The following POTEH variants were observed in gnomAD, a reference collection of about 807,000 sequenced individuals.
POTEH encodes POTE ankyrin domain family member H.
A neutral mutation model predicts 41.7 loss-of-function variants in POTEH; 6 were observed. The ratio of observed to expected loss-of-function variants is 0.14; its 90% CI spans 0.08 to 0.28. The LOEUF is 0.28. Among genes scored for constraint, POTEH ranks in the 10% least tolerant of loss-of-function variants. The pLI, the probability that POTEH is intolerant of heterozygous loss-of-function variation, is 1.00. For missense variants in POTEH, 115 were observed against 533.5 expected (o/e 0.22, Z 7.73); for synonymous variants, 38 against 179.9 (o/e 0.21, Z 6.31).
intron 9 of POTEH, among the ~76,000 whole-genome samples, chr22:15,711,318 G>C (rs576410903): frequency 1.3e-5 from 2 of 152,226 alleles, no homozygotes; most frequent in African/African-American, 4.8e-5. Flanking sequence ...ACTGTATCAT[G>C]GAGGTTTGGG....
At chr22:15,710,442 A>G (rs10154611) in intron 8 of POTEH, among the ~76,000 whole-genome samples, 140 of 150,076 alleles carry the variant, frequency 9.3e-4, no homozygotes, top group African/African-American at 3.3e-3. Context: ...TCATCCTCTA[A>G]AATGACTGTT....
chr22:15,690,449 C>T lies in POTEH; in HGVS notation c.372C>T (p.Asp124=), dbSNP rs566364504. The change falls in exon 1 of 11, where the codon GAC becomes GAT. Residue 124 remains aspartate, a synonymous_variant. Coordinates refer to ENST00000343518, the MANE Select transcript of POTEH (RefSeq NM_001136213.1). ...KSNVGTSGDH[D]DSAMKTLRSK... is the part of the protein sequence containing the mutation. Reference sequence around the variant, plus strand: ...ACGTGGGCACTTCTGGAGACCACGACGACTCTGCTATGAAGACACTCAGGA... The same window carrying T: ...ACGTGGGCACTTCTGGAGACCACGATGACTCTGCTATGAAGACACTCAGGA... 32 of 1,407,490 alleles carry T rather than the reference C, an allele frequency of 2.3e-5. No individual in the cohort carries two copies. The East Asian group carries it at 2.7e-4, about 12-fold the overall frequency. 87.2% of individuals were successfully genotyped at this position (1,407,490 alleles called of 1,614,324 possible).
At position 15,691,013 on chromosome 22, in the gene POTEH, C is replaced by T. The variant is rs868467361; in HGVS notation, c.632+304C>T. The stretch of plus-strand genomic sequence containing the variant: ...TATTTTTAATGTACAGATTTTAAAA[C>T]AATGTTCTATACATTAAAAAAGTGT... On this transcript the variant is annotated intron_variant, in intron 1 of 10. Transcript: ENST00000343518. 7.8e-5 allele frequency among the ~76,000 whole-genome samples: 11 copies of T among 141,838 alleles called. 1 individual carries two copies. The Middle Eastern group carries it at 0.011, about 136-fold the overall frequency. The allele number at this position is 141,838 out of a possible 152,430, so 93.1% of individuals were successfully genotyped here. A position where few individuals can be genotyped will look rare whatever the true frequency, so the allele number is the denominator to read the frequency against.
chr22:15,714,420 A>G (rs1318886134), intron 9 of POTEH, among the ~76,000 whole-genome samples: 1 of 152,086 alleles, frequency 6.6e-6, no homozygotes, highest in Non-Finnish European at 1.5e-5. Flanking sequence ...GCAGTCAACC[A>G]TCTGGCATGT....
At chr22:15,690,859 GCC>G (rs1254563087) in intron 1 of POTEH, 150 bp downstream of exon 1, 2 of 968,508 alleles carry the variant, frequency 2.1e-6, no homozygotes, top group African/African-American at 3.6e-5. Context: ...CAGGGCACAG[GCC>G]CCTTTATGAG....
intron 9 of POTEH, among the ~76,000 whole-genome samples, chr22:15,712,771 A>C (rs1989847365): frequency 7.9e-6 from 1 of 126,706 alleles, no homozygotes; most frequent in Non-Finnish European, 1.6e-5. Flanking sequence ...GTGATCAATT[A>C]CTTTGTATAT....
At chr22:15,710,622 A>G (rs370258629) in intron 8 of POTEH, among the ~76,000 whole-genome samples, 7,924 of 110,396 alleles carry the variant, frequency 0.072, no homozygotes, top group Non-Finnish European at 0.14. Context: ...ATTTTGGAAA[A>G]TTCTGTTTTA....
At chr22:15,709,084 CA>C (rs1989747194) in intron 7 of POTEH, among the ~76,000 whole-genome samples, 1 of 147,858 alleles carries the variant, frequency 6.8e-6, no homozygotes, top group Admixed American at 6.8e-5. Context: ...TGTTAGTGCA[CA>C]AACACAATAA....
intron 9 of POTEH, among the ~76,000 whole-genome samples, chr22:15,713,752 G>T (rs1358677236): frequency 1.3e-5 from 2 of 152,302 alleles, no homozygotes; most frequent in African/African-American, 4.8e-5. Flanking sequence ...TGCCCGCCTT[G>T]GCCTCACGAA....
At chr22:15,707,458 A>G (rs1257357972) in intron 6 of POTEH, among the ~76,000 whole-genome samples, 1 of 28,912 alleles carries the variant, frequency 3.5e-5, no homozygotes, top group Non-Finnish European at 6.1e-5. Context: ...TACTCAGGAG[A>G]CTGAGGCAGG....
intron 9 of POTEH, among the ~76,000 whole-genome samples, chr22:15,712,951 C>T (rs1445174058): frequency 6.7e-6 from 1 of 150,064 alleles, no homozygotes; most frequent in Non-Finnish European, 1.5e-5. Flanking sequence ...CTTGGTCTGG[C>T]ATTTAATGCC....
intron 1 of POTEH, among the ~76,000 whole-genome samples, chr22:15,691,551 C>A: frequency 1.5e-5 from 2 of 133,234 alleles, no homozygotes; most frequent in Non-Finnish European, 3.4e-5. Context: ...AAAAAGTGAG[C>A]TTTTTCTATT....
chr22:15,691,578 G>A (rs1179658439), intron 1 of POTEH, among the ~76,000 whole-genome samples: 2 of 137,352 alleles, frequency 1.5e-5, no homozygotes, highest in Non-Finnish European at 3.2e-5. Context: ...TTTTACTTAA[G>A]CCAAATAAAA....
At chr22:15,713,264 A>G (rs1267718827) in intron 9 of POTEH, among the ~76,000 whole-genome samples, 1 of 152,296 alleles carries the variant, frequency 6.6e-6, no homozygotes, top group African/African-American at 2.4e-5. Flanking sequence ...CTGTAAATAA[A>G]TCTATGCATT....
Position 15,717,098 on chromosome 22 carries a change from G to T in POTEH, c.1521-2562G>T, listed in dbSNP as rs1989922195. ...CTCGGGTATGTACATACGTATATGT[G>T]TGAGTGTATATACACACATACGTAT... On this transcript the variant is annotated intron_variant, in intron 9 of 10. Transcript: ENST00000343518. Among the ~76,000 whole-genome samples the T allele has an allele frequency of 2.3e-5, 2 of 85,410 alleles. 1 individual carries two copies. Among genetic ancestry groups the T allele is most frequent in the African/African-American group, 7.2e-5 (2 of 27,626 alleles). The allele number at this position is 85,410 out of a possible 152,430, so 56.0% of individuals were successfully genotyped here.
intron 1 of POTEH, among the ~76,000 whole-genome samples, chr22:15,693,091 C>T (rs1319767125): frequency 7.9e-6 from 1 of 126,932 alleles, no homozygotes; most frequent in African/African-American, 2.8e-5. Context: ...GATATGTCGA[C>T]ATGCAAAGAT....
At chr22:15,710,548 CAT>C (rs1284873750) in intron 8 of POTEH, among the ~76,000 whole-genome samples, 2 of 152,210 alleles carry the variant, frequency 1.3e-5, no homozygotes, top group Non-Finnish European at 2.9e-5. Context: ...GGGGTAAATA[CAT>C]ATATAAGATT....
At chr22:15,692,265 A>G (rs1989338047) in intron 1 of POTEH, among the ~76,000 whole-genome samples, 1 of 141,706 alleles carries the variant, frequency 7.1e-6, no homozygotes, top group African/African-American at 2.5e-5. Context: ...TTGGCCTCCC[A>G]AAGTGCTGTG....
intron 9 of POTEH, among the ~76,000 whole-genome samples, chr22:15,712,625 G>T (rs1989845349): frequency 2.0e-5 from 1 of 50,668 alleles, no homozygotes; most frequent in Admixed American, 2.6e-4. Context: ...TTTGAGAAAA[G>T]GATATATTTG....
Sources: allele counts gnomAD v4.1 joint callset (sites outside exome capture counted in the v4.1 genomes callset), GRCh38; gene constraint gnomAD v4.1.1; transcripts MANE v1.5; gene names NCBI Gene and HGNC (gene_info 2026-07-23, HGNC 2026-07-21).